Variants in LAMA2 observed in about 807,000 individuals in gnomAD.
The protein encoded by LAMA2 is laminin subunit alpha-2.
LAMA2 carries 269 observed loss-of-function variants against 364.8 expected under a neutral mutation model. That is an observed-to-expected ratio of 0.74 (90% CI 0.67 to 0.82). The LOEUF is 0.82. LAMA2 is among the 40% of genes least tolerant of loss of function. The pLI, the probability that LAMA2 is intolerant of heterozygous loss-of-function variation, is 0.00. For missense variants in LAMA2, 3,807 were observed against 3,873.2 expected (o/e 0.98, Z 0.45); for synonymous variants, 1,379 against 1,370.6 (o/e 1.01, Z -0.14).
intron 40 of LAMA2, among the ~76,000 whole-genome samples, chr6:129,404,278 CATT>C (rs1243334024): frequency 1.6e-5 from 2 of 125,586 alleles, no homozygotes; most frequent in African/African-American, 6.5e-5. Context: ...TCTCAAATGG[CATT>C]AGTAAAAAAG....
intron 4 of LAMA2, among the ~76,000 whole-genome samples, chr6:129,128,159 C>T (rs973262711): frequency 1.3e-5 from 2 of 152,062 alleles, no homozygotes; most frequent in Non-Finnish European, 2.9e-5. Context: ...TAATTCATTT[C>T]GAATTGAGTT....
At chr6:129,141,510 A>T (rs959089792) in intron 4 of LAMA2, among the ~76,000 whole-genome samples, 1 of 152,008 alleles carries the variant, frequency 6.6e-6, no homozygotes, top group African/African-American at 2.4e-5. Flanking sequence ...TATTTTTATC[A>T]TGAGGCATTT....
At chr6:129,041,443 A>G (rs9492206) in intron 1 of LAMA2, among the ~76,000 whole-genome samples, 50,392 of 152,140 alleles carry the variant, frequency 0.33, 9,748 homozygotes, top group African/African-American at 0.54. Context: ...CTTTTTGCCC[A>G]GTTCCTCTGA....
chr6:129,207,693 A>G (rs1782768508), intron 12 of LAMA2, among the ~76,000 whole-genome samples: 1 of 149,578 alleles, frequency 6.7e-6, no homozygotes, highest in Non-Finnish European at 1.5e-5. Flanking sequence ...AAGAATTAGG[A>G]GCAAAAGGGT....
At chr6:129,436,499 C>T (rs1050993749) in intron 41 of LAMA2, among the ~76,000 whole-genome samples, 2 of 151,912 alleles carry the variant, frequency 1.3e-5, no homozygotes, top group Admixed American at 6.6e-5. Flanking sequence ...TTTATTCCCC[C>T]CTCCTTTTTT....
chr6:128,930,231 T>C (rs756313687), intron 1 of LAMA2, among the ~76,000 whole-genome samples: 2 of 152,222 alleles, frequency 1.3e-5, no homozygotes, highest in Admixed American at 1.3e-4. Flanking sequence ...ATTTCTAAAG[T>C]ATTTCTTATA....
At chr6:129,359,596 G>A (rs1358034866) in intron 32 of LAMA2, among the ~76,000 whole-genome samples, 3 of 129,730 alleles carry the variant, frequency 2.3e-5, no homozygotes, top group Non-Finnish European at 1.7e-5. Flanking sequence ...TCAGATCCAG[G>A]GAACCGTCAA....
intron 19 of LAMA2, among the ~76,000 whole-genome samples, chr6:129,288,867 G>T (rs1438610585): frequency 6.6e-6 from 1 of 152,132 alleles, no homozygotes; most frequent in Admixed American, 6.6e-5. Flanking sequence ...TAATGTTTAA[G>T]CAGAGTAGGT....
chr6:129,437,961 C>G (rs2114759749), intron 41 of LAMA2, among the ~76,000 whole-genome samples: 1 of 151,092 alleles, frequency 6.6e-6, no homozygotes, highest in Non-Finnish European at 1.5e-5. Flanking sequence ...TGGAAAGCAG[C>G]TAGAAAACTT....
intron 1 of LAMA2, among the ~76,000 whole-genome samples, chr6:128,891,268 A>G (rs751256268): frequency 4.6e-5 from 7 of 152,278 alleles, no homozygotes; most frequent in Non-Finnish European, 1.0e-4. Flanking sequence ...TCCAGTAGCT[A>G]TACTGTTAAA....
intron 20 of LAMA2, among the ~76,000 whole-genome samples, chr6:129,292,405 G>A (rs767519414): frequency 1.3e-5 from 2 of 152,202 alleles, no homozygotes; most frequent in African/African-American, 2.4e-5. Flanking sequence ...CCTTCTTCTA[G>A]TTCCATCATT....
intron 15 of LAMA2, among the ~76,000 whole-genome samples, chr6:129,266,068 T>C (rs1189533019): frequency 1.3e-5 from 2 of 152,140 alleles, no homozygotes; most frequent in Non-Finnish European, 2.9e-5. Flanking sequence ...TATCCTTTAT[T>C]ACTTCAGTGG....
intron 14 of LAMA2, among the ~76,000 whole-genome samples, chr6:129,257,500 C>G (rs761607679): frequency 6.6e-6 from 1 of 152,016 alleles, no homozygotes; most frequent in Non-Finnish European, 1.5e-5. Flanking sequence ...TTAAAGTAGT[C>G]AACTGCTCAT....
chr6:128,997,065 G>C (rs776081448), intron 1 of LAMA2, among the ~76,000 whole-genome samples: 1 of 151,598 alleles, frequency 6.6e-6, no homozygotes, highest in South Asian at 2.1e-4. Flanking sequence ...TCATAAGTGG[G>C]TGTTGAACAG....
chr6:129,108,789 G>C (rs1775976858), intron 4 of LAMA2, among the ~76,000 whole-genome samples: 1 of 152,044 alleles, frequency 6.6e-6, no homozygotes. Flanking sequence ...AAGTTCCTAA[G>C]ACATGTTATT....
chr6:128,995,143 A>G (rs1315509940), intron 1 of LAMA2, among the ~76,000 whole-genome samples: 2 of 152,300 alleles, frequency 1.3e-5, no homozygotes, highest in South Asian at 4.1e-4. Flanking sequence ...TTTAAATATC[A>G]CAGTACTTAT....
chr6:129,428,355 G>C (rs1400353482), intron 41 of LAMA2, among the ~76,000 whole-genome samples: 1 of 152,222 alleles, frequency 6.6e-6, no homozygotes, highest in Non-Finnish European at 1.5e-5. Context: ...GATCGCTTTA[G>C]CCCAGGGGCG....
At chr6:128,976,197 T>TG (rs1427431635) in intron 1 of LAMA2, among the ~76,000 whole-genome samples, 2 of 151,920 alleles carry the variant, frequency 1.3e-5, no homozygotes, top group Non-Finnish European at 2.9e-5. Context: ...ATATAGAGAG[T>TG]GGGGAGGAAG....
chr6:128,914,609 T>G (rs1481034864), intron 1 of LAMA2, among the ~76,000 whole-genome samples: 1 of 152,184 alleles, frequency 6.6e-6, no homozygotes, highest in Non-Finnish European at 1.5e-5. Context: ...TTTTATTTTA[T>G]AGGCTTCAAT....
Sources: allele counts gnomAD v4.1 joint callset (sites outside exome capture counted in the v4.1 genomes callset), GRCh38; gene constraint gnomAD v4.1.1; transcripts MANE v1.5; gene names NCBI Gene and HGNC (gene_info 2026-07-23, HGNC 2026-07-21).